NEK10: variants seen among roughly 807,000 people sequenced by gnomAD.
The protein encoded by NEK10 is serine/threonine-protein kinase Nek10.
NEK10 carries 122 observed loss-of-function variants against 159.8 expected under a neutral mutation model. The observed-to-expected ratio is 0.76, with a 90% CI of 0.66 to 0.89. The LOEUF (loss-of-function observed/expected upper bound fraction) is 0.89. Ranked by LOEUF, NEK10 falls within the 40% of genes least tolerant of loss-of-function variation. NEK10 has a pLI of 0.00. For missense variants in NEK10, 1,342 were observed against 1,323.1 expected, an observed-to-expected ratio of 1.01 and a Z score of -0.22; for synonymous variants, 466 against 457.1, an observed-to-expected ratio of 1.02 and a Z score of -0.25.
chr3:27,199,731 G>A (rs936286854), intron 25 of NEK10, among the ~76,000 whole-genome samples: 2 of 152,200 alleles, frequency 1.3e-5, no homozygotes, highest in Non-Finnish European at 2.9e-5. Flanking sequence ...ATTCTAGGCT[G>A]GATAAAGAAA....
chr3:27,111,273 C>T lies in NEK10; in HGVS notation c.3347G>A (p.Ter1116=), dbSNP rs1299118266. ...WGTKNHPTKR[*] Reference sequence around the variant, plus strand: ...AAGTCCACTCAAAATGCAGCATTTTCATCTTTTGGTTGGGTGATTCTTGGT... The same window carrying T: ...AAGTCCACTCAAAATGCAGCATTTTTATCTTTTGGTTGGGTGATTCTTGGT... The change falls in exon 36 of 36, where the codon TGA becomes TAA. Residue 1116 remains the stop codon, a stop_retained_variant. Transcript: ENST00000691995. The T allele has an allele frequency of 6.2e-7, 1 of 1,609,434 alleles. No homozygotes were observed.
At chr3:27,353,033 T>C in intron 1 of NEK10, 114 bp from the exon 2 acceptor site, 1 of 604,354 alleles carries the variant, frequency 1.7e-6, no homozygotes, top group Non-Finnish European at 2.9e-6. Flanking sequence ...AAAACCTAGA[T>C]TTAGTTCTAA....
intron 29 of NEK10, among the ~76,000 whole-genome samples, chr3:27,168,256 GAA>G (rs200895276): frequency 1.1e-4 from 15 of 140,018 alleles, no homozygotes; most frequent in African/African-American, 2.1e-4. Context: ...CACAGAATAG[GAA>G]AAAAAAAAAA....
intron 1 of NEK10, among the ~76,000 whole-genome samples, chr3:27,354,435 T>A (rs1368476841): frequency 6.6e-6 from 1 of 152,188 alleles, no homozygotes; most frequent in African/African-American, 2.4e-5. Flanking sequence ...AATGTTGCAC[T>A]TAACTAAACA....
At chr3:27,286,344 C>T (rs1319233404) in intron 20 of NEK10, among the ~76,000 whole-genome samples, 1 of 151,374 alleles carries the variant, frequency 6.6e-6, no homozygotes, top group African/African-American at 2.4e-5. Flanking sequence ...TCTCAGCCTC[C>T]CAAAGTGGTG....
chr3:27,157,384 C>T (rs544206661), intron 30 of NEK10, among the ~76,000 whole-genome samples: 25 of 152,148 alleles, frequency 1.6e-4, no homozygotes, highest in African/African-American at 5.8e-4. Flanking sequence ...GAAGTTGGTT[C>T]CAACTCTCAT....
chr3:27,121,558 GCT>G (rs1941310330), intron 32 of NEK10, among the ~76,000 whole-genome samples: 1 of 152,102 alleles, frequency 6.6e-6, no homozygotes, highest in African/African-American at 2.4e-5. Context: ...GCCTGCACAA[GCT>G]CTCTCTCTTT....
At chr3:27,205,735 G>C (rs1950489855) in intron 23 of NEK10, among the ~76,000 whole-genome samples, 1 of 130,260 alleles carries the variant, frequency 7.7e-6, no homozygotes, top group African/African-American at 3.1e-5. Context: ...TTAAACGTTA[G>C]ACCTAAAACC....
chr3:27,120,479 T>C (rs374277584), intron 32 of NEK10, among the ~76,000 whole-genome samples: 1 of 147,992 alleles, frequency 6.8e-6, no homozygotes, highest in African/African-American at 2.4e-5. Context: ...CCCACCACCA[T>C]GCCCAGCTAA....
At position 27,346,063 on chromosome 3, in the gene NEK10, G is replaced by A. The variant is rs557750321; in HGVS notation, c.263+23C>T. ...CTAAGCAGAATAAGTTGCTGAAGAC[G>A]AAGGAGATGCTGGATTTCTTACCTA... On this transcript the variant is annotated intron_variant, in intron 4 of 35. Coordinates refer to ENST00000691995, the MANE Select transcript of NEK10 (RefSeq NM_001394966.1). The A allele has an allele frequency of 1.6e-4, 254 of 1,611,540 alleles. 5 individuals are homozygous for A. The South Asian group carries it at 2.5e-3, about 16-fold the overall frequency.
rs184093091 is a variant in NEK10 at position 27,156,918 on chromosome 3, A to G, written c.2869+5783T>C. 7.8e-3 allele frequency among the ~76,000 whole-genome samples: 972 copies of G among 125,280 alleles called. 10 individuals carry two copies. Among genetic ancestry groups the G allele is most frequent in the African/African-American group, 0.027 (926 of 33,952 alleles). 82.2% of individuals were successfully genotyped at this position (125,280 alleles called of 152,430 possible). On this transcript the variant is annotated intron_variant, in intron 30 of 35. Coordinates refer to ENST00000691995, the MANE Select transcript of NEK10 (RefSeq NM_001394966.1). ...CAAATGCCCATCAATCAAGGAGTGC[A>G]TAAAGAAACTGATATATATATATAT...
At chr3:27,197,420 C>A (rs1419293354) in intron 25 of NEK10, among the ~76,000 whole-genome samples, 4 of 152,124 alleles carry the variant, frequency 2.6e-5, no homozygotes, top group Non-Finnish European at 4.4e-5. Flanking sequence ...AGGTGATCTG[C>A]CTGCCTCAGC....
At chr3:27,309,896 A>T (rs1477816881) in intron 9 of NEK10, 1 of 152,124 alleles carries the variant, frequency 6.6e-6, no homozygotes, top group East Asian at 1.9e-4. Flanking sequence ...CCTAACTAAC[A>T]TGACTTAGCT....
intron 6 of NEK10, among the ~76,000 whole-genome samples, chr3:27,321,765 A>T (rs1034783424): frequency 1.2e-4 from 18 of 152,098 alleles, no homozygotes; most frequent in African/African-American, 4.3e-4. Context: ...GCAGCTAGTA[A>T]AGCTCCATTG....
At chr3:27,367,315 G>A (rs1207979383) in intron 1 of NEK10, among the ~76,000 whole-genome samples, 3 of 152,114 alleles carry the variant, frequency 2.0e-5, no homozygotes, top group African/African-American at 7.2e-5. Flanking sequence ...TCAAACCCAT[G>A]TATGTATGAC....
chr3:27,117,386 CT>C (rs1379019569), intron 33 of NEK10, among the ~76,000 whole-genome samples: 2 of 152,170 alleles, frequency 1.3e-5, no homozygotes, highest in African/African-American at 4.8e-5. Context: ...GGTTCTAGGT[CT>C]TTGAGGAATA....
rs571274833 is a variant in NEK10, at chr3:27,207,358, T to C, written c.2091-4801A>G. Reference sequence around the variant, plus strand: ...GAAGAAATTAAAACCTTAAGAGAAATTGAAAAACTATCATTGAAGAAGTAA... The same window carrying C: ...GAAGAAATTAAAACCTTAAGAGAAACTGAAAAACTATCATTGAAGAAGTAA... On this transcript the variant is annotated intron_variant, in intron 23 of 35. Transcript: ENST00000691995. Among the ~76,000 whole-genome samples the C allele has an allele frequency of 2.6e-5, 4 of 152,170 alleles. No homozygotes were observed. In the South Asian group the frequency reaches 6.2e-4, roughly 24 times the overall value.
At chr3:27,299,295 G>A (rs1181353866) in intron 13 of NEK10, among the ~76,000 whole-genome samples, 1 of 152,242 alleles carries the variant, frequency 6.6e-6, no homozygotes, top group Admixed American at 6.5e-5. Flanking sequence ...TGTTGCTTCA[G>A]AGGGTGGAAG....
chr3:27,287,679 C>A lies in NEK10; in HGVS notation c.1789+19G>T. On this transcript the variant is annotated intron_variant, in intron 20 of 35. Transcript: ENST00000691995. ...AAAATGTTTCCTTATTTAGAAATAT[C>A]ATGAAAACTCATACTTACTTTCCAG... 1 of 1,558,922 alleles carries A rather than the reference C, an allele frequency of 6.4e-7. No homozygotes were observed. The highest frequency in any genetic ancestry group is 1.2e-5 in the South Asian group (1 of 82,012).
Sources: gnomAD v4.1 joint callset for allele counts (sites outside exome capture counted in the v4.1 genomes callset) on GRCh38, gnomAD v4.1.1 for gene constraint, MANE v1.5 for transcripts, NCBI Gene and HGNC (gene_info 2026-07-23, HGNC 2026-07-21) for gene names.